The following SGCZ variants were observed in gnomAD, a reference collection of about 807,000 sequenced individuals.
The protein encoded by SGCZ is sarcoglycan zeta, also known as zeta-sarcoglycan.
A neutral mutation model predicts 41.3 loss-of-function variants in SGCZ; 40 were observed. The observed-to-expected ratio is 0.97, with a 90% CI of 0.75 to 1.26. The LOEUF (loss-of-function observed/expected upper bound fraction) is 1.26. SGCZ is among the 50% of genes most tolerant of loss of function. The pLI, the probability that SGCZ is intolerant of heterozygous loss-of-function variation, is 0.00. For missense variants in SGCZ, 552 were observed against 369.8 expected (o/e 1.49, Z -4.04); for synonymous variants, 206 against 137.5 (o/e 1.50, Z -3.49).
At chr8:14,413,991 A>G (rs762594227) in intron 2 of SGCZ, among the ~76,000 whole-genome samples, 4 of 151,926 alleles carry the variant, frequency 2.6e-5, no homozygotes, top group Non-Finnish European at 5.9e-5. Context: ...ATTAATCGAG[A>G]CTGTTTCTCA....
intron 3 of SGCZ, among the ~76,000 whole-genome samples, chr8:14,323,521 C>A (rs1289659567): frequency 1.3e-5 from 2 of 151,920 alleles, no homozygotes; most frequent in Non-Finnish European, 2.9e-5. Context: ...TGTACATAAG[C>A]CAAAATGAAC....
chr8:15,167,198 A>G (rs1406185672), intron 1 of SGCZ, among the ~76,000 whole-genome samples: 2 of 152,346 alleles, frequency 1.3e-5, no homozygotes, highest in Non-Finnish European at 1.5e-5. Context: ...CATCAGTGCA[A>G]TAAGAATCCA....
At chr8:14,868,921 A>G (rs1251024162) in intron 1 of SGCZ, among the ~76,000 whole-genome samples, 1 of 152,086 alleles carries the variant, frequency 6.6e-6, no homozygotes, top group Non-Finnish European at 1.5e-5. Flanking sequence ...GACCAATAAC[A>G]AGTTCTGGAA....
intron 1 of SGCZ, among the ~76,000 whole-genome samples, chr8:14,660,359 G>A (rs1485137770): frequency 6.6e-6 from 1 of 151,808 alleles, no homozygotes; most frequent in Non-Finnish European, 1.5e-5. Flanking sequence ...ATCGCCTGAG[G>A]TCAAGAGTTT....
intron 1 of SGCZ, among the ~76,000 whole-genome samples, chr8:14,940,780 T>A (rs889376658): frequency 2.6e-5 from 4 of 151,996 alleles, no homozygotes; most frequent in African/African-American, 9.7e-5. Flanking sequence ...TGTGTACACA[T>A]GGTCAAAGAC....
intron 1 of SGCZ, among the ~76,000 whole-genome samples, chr8:14,662,901 T>C (rs940801440): frequency 2.0e-5 from 3 of 152,072 alleles, no homozygotes; most frequent in African/African-American, 7.2e-5. Flanking sequence ...AGCCAAGGGA[T>C]GTGACAGTCT....
intron 5 of SGCZ, among the ~76,000 whole-genome samples, chr8:14,146,789 G>C (rs1428735507): frequency 7.0e-6 from 1 of 143,612 alleles, no homozygotes; most frequent in Non-Finnish European, 1.5e-5. Flanking sequence ...GGAGAATGGC[G>C]TGAACCCGGG....
intron 2 of SGCZ, among the ~76,000 whole-genome samples, chr8:14,344,750 G>A (rs1802833753): frequency 6.6e-6 from 1 of 152,086 alleles, no homozygotes; most frequent in South Asian, 2.1e-4. Context: ...ACAGTCAATT[G>A]TGGTTTTATA....
intron 2 of SGCZ, among the ~76,000 whole-genome samples, chr8:14,428,161 C>G (rs1051336997): frequency 6.6e-5 from 10 of 151,274 alleles, no homozygotes; most frequent in African/African-American, 2.2e-4. Context: ...CACACACACA[C>G]ACATACACAC....
At chr8:14,943,785 G>A (rs774905296) in intron 1 of SGCZ, among the ~76,000 whole-genome samples, 1 of 152,058 alleles carries the variant, frequency 6.6e-6, no homozygotes, top group African/African-American at 2.4e-5. Flanking sequence ...TTGTGTTCAT[G>A]TATTCTCATG....
At chr8:15,105,880 T>C (rs1425994631) in intron 1 of SGCZ, among the ~76,000 whole-genome samples, 1 of 152,164 alleles carries the variant, frequency 6.6e-6, no homozygotes, top group Non-Finnish European at 1.5e-5. Context: ...GACAAGCATA[T>C]AGCAACAACA....
intron 2 of SGCZ, among the ~76,000 whole-genome samples, chr8:14,518,024 T>C (rs1044502176): frequency 3.3e-5 from 5 of 151,906 alleles, no homozygotes; most frequent in African/African-American, 7.2e-5. Flanking sequence ...TTTTATATTA[T>C]ATATTAAAAC....
At chr8:14,523,865 G>C (rs2117106461) in intron 2 of SGCZ, among the ~76,000 whole-genome samples, 1 of 152,116 alleles carries the variant, frequency 6.6e-6, no homozygotes, top group Admixed American at 6.6e-5. Flanking sequence ...CTAAACTTCT[G>C]TTATTTTTTC....
rs191225316 is a variant in SGCZ, at chr8:14,521,295, A to T, written c.234+33437T>A. Among the ~76,000 whole-genome samples, 376 of 152,234 alleles carry T rather than the reference A, an allele frequency of 2.5e-3. 4 individuals carry two copies. Among genetic ancestry groups the T allele is most frequent in the Non-Finnish European group, 7.4e-4 (50 of 67,998 alleles). On this transcript the variant is annotated intron_variant, in intron 2 of 7. Transcript: ENST00000382080. ...GTCATTTCAGAAATGTTAATAATTC[A>T]AATCATTAAAATATAACTTCGGGGA...
intron 4 of SGCZ, among the ~76,000 whole-genome samples, chr8:14,173,172 T>A (rs1046985971): frequency 2.0e-5 from 3 of 152,058 alleles, no homozygotes; most frequent in Non-Finnish European, 4.4e-5. Context: ...TTTGAGAGTT[T>A]TTTTTTTAAG....
intron 3 of SGCZ, among the ~76,000 whole-genome samples, chr8:14,272,840 A>G (rs375937860): frequency 7.9e-5 from 12 of 152,200 alleles, no homozygotes; most frequent in Admixed American, 6.5e-4. Flanking sequence ...TTGAATTGTT[A>G]TATCTTGAAC....
intron 7 of SGCZ, among the ~76,000 whole-genome samples, chr8:14,091,454 C>T (rs866990492): frequency 2.3e-4 from 35 of 151,594 alleles, no homozygotes; most frequent in African/African-American, 8.4e-4. Flanking sequence ...CTCCCACCAA[C>T]AGTGTATTTC....
intron 1 of SGCZ, among the ~76,000 whole-genome samples, chr8:14,570,258 T>C (rs1804510909): frequency 6.6e-6 from 1 of 152,216 alleles, no homozygotes; most frequent in Admixed American, 6.5e-5. Flanking sequence ...CATGTGGTTA[T>C]GCATTCAGCA....
At chr8:15,114,913 A>T (rs59837424) in intron 1 of SGCZ, among the ~76,000 whole-genome samples, 5 of 152,048 alleles carry the variant, frequency 3.3e-5, no homozygotes, top group African/African-American at 1.2e-4. Flanking sequence ...AAAAGAGAAA[A>T]TTTTTCATTC....
Sources: allele counts gnomAD v4.1 joint callset (sites outside exome capture counted in the v4.1 genomes callset), GRCh38; gene constraint gnomAD v4.1.1; transcripts MANE v1.5; gene names NCBI Gene and HGNC (gene_info 2026-07-23, HGNC 2026-07-21).